DLC1: variants seen among roughly 807,000 people sequenced by gnomAD.
The protein encoded by DLC1 is DLC1 Rho GTPase activating protein, also known as rho GTPase-activating protein 7.
Under a neutral mutation model 140.3 loss-of-function variants are expected in DLC1, and 54 were observed. The ratio of observed to expected loss-of-function variants is 0.38; its 90% confidence interval spans 0.31 to 0.48. DLC1 has a LOEUF of 0.48. Among genes scored for constraint, DLC1 ranks in the 20% least tolerant of loss-of-function variants. DLC1 has a pLI of 0.96. For missense variants in DLC1, 2,536 were observed against 1,907.0 expected, an observed-to-expected ratio of 1.33 and a Z score of -6.14; for synonymous variants, 986 against 728.1, an observed-to-expected ratio of 1.35 and a Z score of -5.70.
chr8:13,422,680 T>G (rs1168409964), intron 2 of DLC1, among the ~76,000 whole-genome samples: 1 of 152,104 alleles, frequency 6.6e-6, no homozygotes, highest in East Asian at 1.9e-4. Flanking sequence ...TTTCTTTTAT[T>G]TTTTCTTTCT....
intron 1 of DLC1, among the ~76,000 whole-genome samples, chr8:13,569,603 C>A (rs1466591209): frequency 6.6e-6 from 1 of 152,176 alleles, no homozygotes; most frequent in Non-Finnish European, 1.5e-5. Context: ...AAATCTGAGT[C>A]ATCTTTTGTT....
chr8:13,133,678 T>G (rs1822334476), intron 5 of DLC1, among the ~76,000 whole-genome samples: 1 of 151,638 alleles, frequency 6.6e-6, no homozygotes, highest in Non-Finnish European at 1.5e-5. Flanking sequence ...TCACAAGGCA[T>G]TTACTTGGCG....
chr8:13,417,434 C>A lies in DLC1; in HGVS notation c.1024-15815G>T, dbSNP rs536625591. On this transcript the variant is annotated intron_variant, in intron 2 of 17. Transcript: ENST00000276297. Reference sequence around the variant, plus strand: ...TCCATGTGTTCTCACTGTTCAATTCCCATCTATGAGTGAGAATATGTGGTG... The same window carrying A: ...TCCATGTGTTCTCACTGTTCAATTCACATCTATGAGTGAGAATATGTGGTG... Among the ~76,000 whole-genome samples the A allele has an allele frequency of 5.3e-5, 8 of 150,174 alleles. 1 individual carries two copies. In the South Asian group the frequency reaches 1.5e-3, roughly 28 times the overall value.
intron 5 of DLC1, among the ~76,000 whole-genome samples, chr8:13,151,482 C>T (rs1823808102): frequency 6.6e-6 from 1 of 152,086 alleles, no homozygotes; most frequent in Non-Finnish European, 1.5e-5. Flanking sequence ...GGCTCTAAAG[C>T]CTCTGTGTGT....
In DLC1 at chr8:13,377,459, A is replaced by G. The variant is rs114303575; in HGVS notation, c.1314+16094T>C. 1.4e-3 allele frequency among the ~76,000 whole-genome samples: 220 copies of G among 152,302 alleles called. 3 individuals carry two copies. Among genetic ancestry groups the G allele is most frequent in the African/African-American group, 3.7e-3 (152 of 41,574 alleles). ...CAGTTATTCAATAACGGCTTTTATA[A>G]ACTACTATAAACATACTCTTTCAAG... On this transcript the variant is annotated intron_variant, in intron 4 of 17. Coordinates refer to ENST00000276297, the MANE Select transcript of DLC1 (RefSeq NM_182643.3).
At chr8:13,362,533 T>A (rs1299688924) in intron 4 of DLC1, among the ~76,000 whole-genome samples, 1 of 152,044 alleles carries the variant, frequency 6.6e-6, no homozygotes, top group East Asian at 1.9e-4. Flanking sequence ...CTCACATCCC[T>A]TCCACTCCTG....
chr8:13,144,148 G>C (rs1032085468), intron 5 of DLC1, among the ~76,000 whole-genome samples: 1 of 152,110 alleles, frequency 6.6e-6, no homozygotes, highest in African/African-American at 2.4e-5. Flanking sequence ...AATTTGGACA[G>C]GCACTGTCCA....
intron 3 of DLC1, among the ~76,000 whole-genome samples, chr8:13,395,125 CTTTT>C (rs58892759): frequency 1.4e-5 from 2 of 144,368 alleles, no homozygotes; most frequent in Admixed American, 6.9e-5. Context: ...CTTTATAATT[CTTTT>C]TTTTTTTTTG....
rs191678800 is a variant in DLC1, at chr8:13,162,088, T to C, written c.1349-46431A>G. On this transcript the variant is annotated intron_variant, in intron 5 of 17. Transcript: ENST00000276297. ...AAAGTTTTTGACTTTCATAAGAATT[T>C]ATAGCAGAAAGGTTGGAAACCACTG... 3.5e-4 allele frequency among the ~76,000 whole-genome samples: 53 copies of C among 152,342 alleles called. No individual in the cohort carries two copies. The East Asian group carries it at 8.1e-3, about 23-fold the overall frequency.
At chr8:13,085,988 T>G in intron 17 of DLC1, 57 bp from the exon 18 acceptor site, 3 of 1,595,464 alleles carry the variant, frequency 1.9e-6, no homozygotes, top group Non-Finnish European at 1.7e-6. Context: ...AGCATGGAAA[T>G]AAAATGAGAA....
intron 1 of DLC1, among the ~76,000 whole-genome samples, chr8:13,545,093 T>A (rs1803610084): frequency 6.6e-6 from 1 of 152,064 alleles, no homozygotes; most frequent in Non-Finnish European, 1.5e-5. Context: ...TTTAATAAAA[T>A]TTTAAAATTA....
chr8:13,359,038 A>G (rs1441690907), intron 4 of DLC1, among the ~76,000 whole-genome samples: 1 of 152,138 alleles, frequency 6.6e-6, no homozygotes, highest in Non-Finnish European at 1.5e-5. Context: ...TCCCGGGTTC[A>G]CGCCATTCTC....
intron 1 of DLC1, among the ~76,000 whole-genome samples, chr8:13,546,093 C>G (rs958105564): frequency 2.0e-5 from 3 of 151,846 alleles, no homozygotes; most frequent in African/African-American, 7.3e-5. Flanking sequence ...ATTATAAAGT[C>G]AAAAAAAGTT....
Position 13,100,452 on chromosome 8 carries a change from T to A in DLC1, c.1885A>T (p.Asn629Tyr). The change falls in exon 9 of 18, where the codon AAC becomes TAC. Residue 629 changes from asparagine to tyrosine, a missense_variant. Physicochemically the swap from Asn to Tyr is moderately radical, Grantham distance 143. Transcript: ENST00000276297. ...NSVISVCSSS[N>Y]LAGNDDSFGS... is the part of the protein sequence containing the mutation. ...AAAGAGTCGTCATTGCCTGCCAAGT[T>A]GCTGGAGGAGCAAACGCTGATGACG... is the stretch of plus-strand genomic sequence containing the variant. 6.2e-7 allele frequency: 1 copy of A among 1,613,834 alleles called. No homozygotes were observed.
chr8:13,460,899 A>G (rs1305977720), intron 2 of DLC1, among the ~76,000 whole-genome samples: 1 of 152,158 alleles, frequency 6.6e-6, no homozygotes, highest in Non-Finnish European at 1.5e-5. Context: ...GAGGGGAAAA[A>G]CAGGGTCCTG....
At chr8:13,351,719 T>C (rs1343461258) in intron 4 of DLC1, among the ~76,000 whole-genome samples, 1 of 152,172 alleles carries the variant, frequency 6.6e-6, no homozygotes, top group Non-Finnish European at 1.5e-5. Context: ...ATATTCACTA[T>C]CTGATCCTTT....
intron 5 of DLC1, among the ~76,000 whole-genome samples, chr8:13,271,170 C>G (rs1830916745): frequency 6.6e-6 from 1 of 152,204 alleles, no homozygotes. Context: ...TCTCACGAAG[C>G]TTCCCTAACG....
At chr8:13,446,755 A>G (rs988124603) in intron 2 of DLC1, among the ~76,000 whole-genome samples, 2 of 152,180 alleles carry the variant, frequency 1.3e-5, no homozygotes, top group Non-Finnish European at 2.9e-5. Context: ...AGCCTGGCCA[A>G]CATGGTGAAA....
intron 4 of DLC1, among the ~76,000 whole-genome samples, chr8:13,325,502 A>G (rs1329650765): frequency 6.6e-6 from 1 of 151,778 alleles, no homozygotes; most frequent in Non-Finnish European, 1.5e-5. Flanking sequence ...AGAGTCATGT[A>G]TGCTGGTGTA....
Sources: gnomAD v4.1 joint callset for allele counts (sites outside exome capture counted in the v4.1 genomes callset) on GRCh38, gnomAD v4.1.1 for gene constraint, MANE v1.5 for transcripts, NCBI Gene and HGNC (gene_info 2026-07-23, HGNC 2026-07-21) for gene names.